KCNMA1: variants seen among roughly 807,000 people sequenced by gnomAD.
KCNMA1 encodes Calcium-activated potassium channel subunit alpha-1.
Under a neutral mutation model 140.0 loss-of-function variants are expected in KCNMA1, and 29 were observed. The observed-to-expected ratio is 0.21, with a 90% CI of 0.15 to 0.28. The LOEUF (loss-of-function observed/expected upper bound fraction) is 0.28. Ranked by LOEUF, KCNMA1 falls within the 10% of genes least tolerant of loss-of-function variation. The pLI, the probability that KCNMA1 is intolerant of heterozygous loss-of-function variation, is 1.00. For missense variants in KCNMA1, 880 were observed against 1,602.2 expected (o/e 0.55, Z 7.70); for synonymous variants, 612 against 611.9 (o/e 1.00, Z 0.00).
At chr10:77,155,665 G>A (rs1354832969) in intron 5 of KCNMA1, among the ~76,000 whole-genome samples, 7 of 151,930 alleles carry the variant, frequency 4.6e-5, no homozygotes, top group Non-Finnish European at 1.0e-4. Context: ...CCATGGAAAC[G>A]GTTCCTCCAC....
At chr10:77,100,663 T>C (rs2097074706) in intron 9 of KCNMA1, among the ~76,000 whole-genome samples, 1 of 152,110 alleles carries the variant, frequency 6.6e-6, no homozygotes, top group South Asian at 2.1e-4. Context: ...AGGAACCATT[T>C]TGCACAGCTC....
chr10:77,471,253 CA>C (rs2098142835), intron 1 of KCNMA1, among the ~76,000 whole-genome samples: 1 of 150,540 alleles, frequency 6.6e-6, no homozygotes, highest in Non-Finnish European at 1.5e-5. Context: ...ACTACACACA[CA>C]ACGCACATAC....
At chr10:76,983,373 A>G (rs2080166349) in intron 19 of KCNMA1, among the ~76,000 whole-genome samples, 2 of 152,166 alleles carry the variant, frequency 1.3e-5, no homozygotes, top group Non-Finnish European at 1.5e-5. Flanking sequence ...AAAGAGAGAA[A>G]TCCTATTCAA....
chr10:76,958,317 A>G (rs1260524252), intron 20 of KCNMA1, among the ~76,000 whole-genome samples: 1 of 152,206 alleles, frequency 6.6e-6, no homozygotes, highest in East Asian at 1.9e-4. Flanking sequence ...TAATGACATT[A>G]CCTAAGTCTT....
intron 29 of KCNMA1, chr10:76,877,977 G>T: frequency 7.5e-7 from 1 of 1,336,312 alleles, no homozygotes; most frequent in Non-Finnish European, 1.1e-6. Flanking sequence ...AAAGTTCATT[G>T]AAAAACGCAA....
intron 1 of KCNMA1, among the ~76,000 whole-genome samples, chr10:77,511,322 G>A (rs1567240120): frequency 6.6e-6 from 1 of 152,186 alleles, no homozygotes; most frequent in Non-Finnish European, 1.5e-5. Flanking sequence ...GGACCATACA[G>A]GAAATCTGTC....
chr10:77,419,002 T>C (rs2096805955), intron 1 of KCNMA1, among the ~76,000 whole-genome samples: 1 of 152,156 alleles, frequency 6.6e-6, no homozygotes, highest in Non-Finnish European at 1.5e-5. Flanking sequence ...GTCAGTAACC[T>C]GAATGCCAAG....
intron 16 of KCNMA1, chr10:77,020,609 C>T (rs1007422810): frequency 6.6e-6 from 1 of 152,260 alleles, no homozygotes; most frequent in East Asian, 1.9e-4. Flanking sequence ...TAAGCACCTC[C>T]TAATGACCCC....
At chr10:77,572,780 T>G (rs2072161461) in intron 1 of KCNMA1, among the ~76,000 whole-genome samples, 2 of 149,042 alleles carry the variant, frequency 1.3e-5, no homozygotes, top group South Asian at 4.2e-4. Context: ...ATCAATAACA[T>G]GCACACACTG....
At position 77,065,530 on chromosome 10, in the gene KCNMA1, G is replaced by A. The variant is rs1042268246; in HGVS notation, c.1749+7567C>T. Among the ~76,000 whole-genome samples, 32 of 152,084 alleles carry A rather than the reference G, an allele frequency of 2.1e-4. 1 individual carries two copies. The highest frequency in any genetic ancestry group is 5.9e-5 in the Non-Finnish European group (4 of 68,012). On this transcript the variant is annotated intron_variant, in intron 14 of 27. Coordinates refer to ENST00000286628, the MANE Select transcript of KCNMA1 (RefSeq NM_001161352.2). ...GCCAGGGAAGTTGTTGAATCATAAA[G>A]TATCCCTTTATAAGAAATATACCAT...
chr10:77,163,664 T>A (rs2098598196), intron 5 of KCNMA1, among the ~76,000 whole-genome samples: 1 of 152,138 alleles, frequency 6.6e-6, no homozygotes, highest in African/African-American at 2.4e-5. Flanking sequence ...ATCACAACAG[T>A]GAGGAGAGCT....
chr10:77,081,068 T>C (rs1257296635), intron 12 of KCNMA1, among the ~76,000 whole-genome samples: 2 of 152,128 alleles, frequency 1.3e-5, no homozygotes, highest in Non-Finnish European at 1.5e-5. Flanking sequence ...ATGTTAAGCA[T>C]GGCCTGCACC....
At chr10:77,258,073 G>A (rs771967620) in intron 2 of KCNMA1, among the ~76,000 whole-genome samples, 13 of 152,132 alleles carry the variant, frequency 8.5e-5, no homozygotes, top group Non-Finnish European at 1.3e-4. Flanking sequence ...TCTTAAGCAC[G>A]TCACCTAATC....
At chr10:76,956,172 TAACAGTGGCCTAC>T (rs1337907157) in intron 20 of KCNMA1, among the ~76,000 whole-genome samples, 1 of 152,172 alleles carries the variant, frequency 6.6e-6, no homozygotes, top group Non-Finnish European at 1.5e-5. Flanking sequence ...CAGACGTTGT[TAACAGTGGCCTAC>T]AACTTTCATC....
intron 25 of KCNMA1, among the ~76,000 whole-genome samples, chr10:76,906,692 G>A (rs185384065): frequency 6.6e-6 from 1 of 152,330 alleles, no homozygotes; most frequent in East Asian, 1.9e-4. Flanking sequence ...TCTGTCTCCT[G>A]CTGTTTGGAG....
At chr10:77,634,615 GT>G (rs1239898456) in intron 1 of KCNMA1, 2 of 985,226 alleles carry the variant, frequency 2.0e-6, no homozygotes, top group African/African-American at 3.5e-5. Flanking sequence ...GAGGGTGAGG[GT>G]GAACCCATCT....
intron 23 of KCNMA1, among the ~76,000 whole-genome samples, chr10:76,942,257 C>A (rs1348573524): frequency 1.3e-5 from 2 of 152,162 alleles, no homozygotes; most frequent in Non-Finnish European, 2.9e-5. Context: ...CATGCCTGGC[C>A]TCAGGCTTCT....
chr10:77,570,905 T>C (rs1293159354), intron 1 of KCNMA1, among the ~76,000 whole-genome samples: 2 of 147,102 alleles, frequency 1.4e-5, no homozygotes, highest in Non-Finnish European at 3.0e-5. Flanking sequence ...CACTAGAACC[T>C]GGGCAACAGA....
intron 16 of KCNMA1, chr10:77,020,827 G>C (rs1471730630): frequency 3.9e-5 from 6 of 152,108 alleles, no homozygotes; most frequent in African/African-American, 1.2e-4. Flanking sequence ...TCTGCAATCA[G>C]AATTTGGGTC....
Sources: gnomAD v4.1 joint callset for allele counts (sites outside exome capture counted in the v4.1 genomes callset) on GRCh38, gnomAD v4.1.1 for gene constraint, MANE v1.5 for transcripts, NCBI Gene and HGNC (gene_info 2026-07-23, HGNC 2026-07-21) for gene names.